PTMA: variants seen among roughly 807,000 people sequenced by gnomAD.
PTMA encodes the protein gene sequence 28.
PTMA carries 4 observed loss-of-function variants against 16.9 expected under a neutral mutation model. The ratio of observed to expected loss-of-function variants is 0.24; its 90% CI spans 0.12 to 0.54. PTMA has a LOEUF of 0.54. Among genes scored for constraint, PTMA ranks in the 20% least tolerant of loss-of-function variants. PTMA has a pLI of 0.95. For synonymous variants in PTMA, 58 were observed against 47.9 expected (o/e 1.21, Z -0.87); for missense variants, 120 against 137.7 (o/e 0.87, Z 0.64).
chr2:231,713,215 T>C lies in PTMA; in HGVS notation c.*364T>C. 2.1e-6 allele frequency: 1 copy of C among 473,436 alleles called. No homozygotes were observed. The highest frequency in any genetic ancestry group is 5.6e-5 in the East Asian group (1 of 17,874). 29.3% of individuals were successfully genotyped at this position (473,436 alleles called of 1,614,324 possible). A position where few individuals can be genotyped will look rare whatever the true frequency, so the allele number is the denominator to read the frequency against. On this transcript the variant is annotated 3_prime_UTR_variant, in exon 5 of 5. Coordinates refer to ENST00000409115, the MANE Select transcript of PTMA (RefSeq NM_002823.5). ...AAACCAGCCTTCGGAGCGTTCTCTG[T>C]CCTACTTCTGACTTTACTTGTGGTG...
rs979291369 is a variant in PTMA, at chr2:231,713,296, A to G, written c.*445A>G. ...AAAAAAACCTTGTAAAAAAAGCAAA[A>G]ATGACAACAGAAAAACAATCTTATT... On this transcript the variant is annotated 3_prime_UTR_variant, in exon 5 of 5. Transcript: ENST00000409115. 19 of 499,420 alleles carry G rather than the reference A, an allele frequency of 3.8e-5. No homozygotes were observed. The highest frequency in any genetic ancestry group is 7.6e-5 in the Non-Finnish European group (19 of 249,212). 30.9% of individuals were successfully genotyped at this position (499,420 alleles called of 1,614,324 possible). A position where few individuals can be genotyped will look rare whatever the true frequency, so the allele number is the denominator to read the frequency against.
chr2:231,711,521 G>A (rs2048518588), intron 2 of PTMA, 102 bp downstream of exon 2: 6 of 1,097,540 alleles, frequency 5.5e-6, no homozygotes, highest in Middle Eastern at 2.0e-4. Context: ...ATGTGTATAT[G>A]TATAGCTTTG....
intron 3 of PTMA, 48 bp from the exon 4 acceptor site, chr2:231,712,395 C>T (rs567877156): frequency 1.1e-5 from 18 of 1,571,542 alleles, no homozygotes; most frequent in Non-Finnish European, 1.4e-5. Context: ...TCCCCAGGAG[C>T]CACAGTAGGA....
chr2:231,711,275 T>C (rs2048514926), intron 1 of PTMA, 73 bp from the exon 2 acceptor site: 1 of 1,272,384 alleles, frequency 7.9e-7, no homozygotes, highest in East Asian at 2.3e-5. Flanking sequence ...AGACCAGTAG[T>C]TCTCAGCGCC....
chr2:231,710,041 C>T (rs532325629), intron 1 of PTMA: 5 of 1,218,170 alleles, frequency 4.1e-6, no homozygotes, highest in Admixed American at 4.3e-5. Flanking sequence ...CCTGGCTGTT[C>T]GATTTTCTCC....
intron 3 of PTMA, among the ~76,000 whole-genome samples, chr2:231,712,214 C>T (rs1349631606): frequency 3.3e-5 from 5 of 152,216 alleles, no homozygotes; most frequent in Admixed American, 1.3e-4. Flanking sequence ...TTTCGTGCAG[C>T]TCTGAAAGCC....
intron 1 of PTMA, chr2:231,710,175 C>A (rs1170617638): frequency 1.5e-6 from 2 of 1,290,850 alleles, no homozygotes; most frequent in South Asian, 5.3e-5. Flanking sequence ...ACTTGGCCCG[C>A]CGAATGCAGA....
intron 3 of PTMA, 118 bp downstream of exon 3, chr2:231,712,101 G>A (rs1559289289): frequency 6.6e-7 from 1 of 1,515,296 alleles, no homozygotes; most frequent in Non-Finnish European, 8.8e-7. Context: ...GGGGCCAGTG[G>A]ACCACATGGC....
At chr2:231,710,006 TGA>T (rs1185086604) in intron 1 of PTMA, 44 of 1,130,208 alleles carry the variant, frequency 3.9e-5, no homozygotes, top group Non-Finnish European at 4.7e-5. Context: ...GTTTGTGGGG[TGA>T]GAACACCGTC....
chr2:231,711,823 T>TCAGGAGCAA, intron 2 of PTMA, 67 bp from the exon 3 acceptor site: 1 of 1,582,960 alleles, frequency 6.3e-7, no homozygotes, highest in Non-Finnish European at 8.6e-7. Context: ...AGGCCGGGCA[T>TCAGGAGCAA]CAGGAGCAAC....
At chr2:231,708,789 C>T (rs1169265064) in intron 1 of PTMA, 38 bp downstream of exon 1, 1 of 1,592,718 alleles carries the variant, frequency 6.3e-7, no homozygotes, top group Admixed American at 1.7e-5. Context: ...GGGGTCCGCG[C>T]GCCGCCGCTC....
At chr2:231,708,886 G>A in intron 1 of PTMA, 135 bp downstream of exon 1, 1 of 1,100,668 alleles carries the variant, frequency 9.1e-7, no homozygotes, top group Admixed American at 2.5e-5. Context: ...CCGGCGCGGT[G>A]CCCTCAGGCA....
Position 231,712,841 on chromosome 2 carries a change from A to G in PTMA, c.323A>G (p.Glu108Gly). 1 of 1,580,914 alleles carries G rather than the reference A, an allele frequency of 6.3e-7. No individual in the cohort carries two copies. The highest frequency in any genetic ancestry group is 8.6e-7 in the Non-Finnish European group (1 of 1,164,156). Residue 108 changes from glutamate to glycine, a missense_variant, in exon 5 of 5, where the codon GAG becomes GGG. Physicochemically the swap from Glu to Gly is moderately conservative, Grantham distance 98. Transcript: ENST00000409115. ...GATACCAAGAAGCAGAAGACCGACG[A>G]GGATGACTAGACAGCAAAAAAGGAA... is the stretch of plus-strand genomic sequence containing the variant. ...DVDTKKQKTD[E>G]DD
Position 231,713,006 on chromosome 2 carries a change from TCCA to T in PTMA, c.*161_*163del. On this transcript the variant is annotated 3_prime_UTR_variant, in exon 5 of 5. Transcript: ENST00000409115. ...TGCCACCCGCAGATGACACGCGCTC[TCCA>T]CCACCCAACCCAAACCATGAGAATT... 1.4e-6 allele frequency: 1 copy of T among 705,194 alleles called. No individual in the cohort carries two copies. The highest frequency in any genetic ancestry group is 2.4e-6 in the Non-Finnish European group (1 of 422,716). The allele number at this position is 705,194 out of a possible 1,614,324, so 43.7% of individuals were successfully genotyped here. A position where few individuals can be genotyped will look rare whatever the true frequency, so the allele number is the denominator to read the frequency against.
rs574300178 is a variant in PTMA at position 231,709,441 on chromosome 2, C to T, written c.45+690C>T. The stretch of plus-strand genomic sequence containing the variant: ...GCGGCCGCCCAGCTTCAGTCATGCA[C>T]CCGCGGTGCCGGGCTTGGCTGAGGA... On this transcript the variant is annotated intron_variant, in intron 1 of 4. Transcript: ENST00000409115. Among the ~76,000 whole-genome samples, 1,005 of 152,298 alleles carry T rather than the reference C, an allele frequency of 6.6e-3. 12 individuals carry two copies. The highest frequency in any genetic ancestry group is 0.023 in the African/African-American group (940 of 41,586).
intron 1 of PTMA, chr2:231,710,824 A>G: frequency 3.3e-6 from 1 of 304,650 alleles, no homozygotes; most frequent in South Asian, 2.4e-5. Flanking sequence ...TGGCTTTTTT[A>G]GATACCTGTC....
At chr2:231,711,713 A>G (rs867325899) in intron 2 of PTMA, 177 bp from the exon 3 acceptor site, 1 of 1,183,160 alleles carries the variant, frequency 8.5e-7, no homozygotes, top group Non-Finnish European at 1.2e-6. Context: ...GTTAATGTGC[A>G]GGTTTCATGA....
chr2:231,709,628 TGG>T (rs746355592), intron 1 of PTMA, among the ~76,000 whole-genome samples: 1 of 151,980 alleles, frequency 6.6e-6, no homozygotes, highest in African/African-American at 2.4e-5. Flanking sequence ...AGGGTCGAAC[TGG>T]GGGGGCGCCC....
In PTMA at chr2:231,713,440, A is replaced by G. The variant is rs201368548; in HGVS notation, c.*589A>G. 57 of 503,566 alleles carry G rather than the reference A, an allele frequency of 1.1e-4. No individual in the cohort carries two copies. The highest frequency in any genetic ancestry group is 1.9e-4 in the Non-Finnish European group (47 of 250,704). The allele number at this position is 503,566 out of a possible 1,614,324, so 31.2% of individuals were successfully genotyped here. On this transcript the variant is annotated 3_prime_UTR_variant, in exon 5 of 5. Coordinates refer to ENST00000409115, the MANE Select transcript of PTMA (RefSeq NM_002823.5). ...TTTCTTTTTTTTTCCTTTTTTGTCT[A>G]TGAAGTTGCTGTTTATTTTTTTTGG...
Sources: gnomAD v4.1 joint callset for allele counts (sites outside exome capture counted in the v4.1 genomes callset) on GRCh38, gnomAD v4.1.1 for gene constraint, MANE v1.5 for transcripts, NCBI Gene and HGNC (gene_info 2026-07-23, HGNC 2026-07-21) for gene names.